The following KMT2D variants were observed in gnomAD, a reference collection of about 807,000 sequenced individuals.
KMT2D encodes the protein histone-lysine N-methyltransferase 2D.
Under a neutral mutation model 512.7 loss-of-function variants are expected in KMT2D, and 55 were observed. That is an observed-to-expected ratio of 0.11 (90% confidence interval 0.09 to 0.13). The LOEUF (loss-of-function observed/expected upper bound fraction) is 0.13. Among genes scored for constraint, KMT2D ranks in the 10% least tolerant of loss-of-function variants. The pLI, the probability that KMT2D is intolerant of heterozygous loss-of-function variation, is 1.00. For synonymous variants in KMT2D, 2,995 were observed against 2,904.0 expected (o/e 1.03, Z -1.01); for missense variants, 6,061 against 7,127.9 (o/e 0.85, Z 5.39).
rs1469413011 is a variant in KMT2D, at chr12:49,041,624, G to A, written c.6234+31C>T. 2.5e-6 allele frequency: 4 copies of A among 1,613,398 alleles called. No homozygotes were observed. The highest frequency in any genetic ancestry group is 3.4e-6 in the Non-Finnish European group (4 of 1,179,594). The stretch of plus-strand genomic sequence containing the variant: ...CCTCAAGAGAGGCCACCCACTAGAG[G>A]ACTGCTACACCCCAGCCCAGCCCCA... On this transcript the variant is annotated intron_variant, in intron 31 of 54. Transcript: ENST00000301067. The surrounding 1 kb of genome is among the most constrained non-coding windows in gnomAD (Gnocchi z 5.4).
At position 49,041,474 on chromosome 12, in the gene KMT2D, C is replaced by T. The variant is rs2120547529; in HGVS notation, c.6296G>A (p.Arg2099Gln). The change falls in exon 32 of 55, where the codon CGA becomes CAA. Residue 2099 changes from arginine to glutamine, a missense_variant. Coordinates refer to ENST00000301067, the MANE Select transcript of KMT2D (RefSeq NM_003482.4). This position sits in a 1 kb window ranked among gnomAD's most constrained non-coding sequence, Gnocchi z 5.4. ...KVGDIARKTD[R>Q]PALHLRIPPQ... ...GGGAATGCGGAGATGTAGGGCCGGT[C>T]GGTCAGTCTTACGGGCTATGTCGCC... 3.1e-6 allele frequency: 5 copies of T among 1,613,440 alleles called. No homozygotes were observed. Among genetic ancestry groups the T allele is most frequent in the Non-Finnish European group, 3.4e-6 (4 of 1,179,546 alleles).
At position 49,050,465 on chromosome 12, in the gene KMT2D, C is replaced by T. The variant is rs1025261494; in HGVS notation, c.3123G>A (p.Gln1041=). The change falls in exon 12 of 55, where the codon CAG becomes CAA. Residue 1041 remains glutamine, a synonymous_variant. Coordinates refer to ENST00000301067, the MANE Select transcript of KMT2D (RefSeq NM_003482.4). The part of the protein sequence containing the change: ...SLVPQNSPPS[Q]CSPPALPLSV... ...ACAGTGGTAGGGCAGGAGGAGAGCA[C>T]TGGGAAGGAGGGGAGTTTTGGGGAA... 2 of 1,613,816 alleles carry T rather than the reference C, an allele frequency of 1.2e-6. No homozygotes were observed. Among genetic ancestry groups the T allele is most frequent in the Non-Finnish European group, 1.7e-6 (2 of 1,179,816 alleles).
At position 49,019,211 on chromosome 12, in the gene KMT2D, AAC is replaced by A. The variant is rs925404239; in HGVS notation, c.*2567_*2568del. ...CAACCTTGCTGTACAGGATACACAC[AAC>A]ACAAAATAAAGTCTTCACGGGATTC... On this transcript the variant is annotated 3_prime_UTR_variant, in exon 55 of 55. Coordinates refer to ENST00000301067, the MANE Select transcript of KMT2D (RefSeq NM_003482.4). The A allele has an allele frequency of 6.0e-6, 6 of 1,005,860 alleles. No homozygotes were observed. The African/African-American group carries it at 8.4e-5, about 14-fold the overall frequency. The allele number at this position is 1,005,860 out of a possible 1,614,324, so 62.3% of individuals were successfully genotyped here.
chr12:49,022,930 C>T lies in KMT2D; in HGVS notation c.16053-55G>A, dbSNP rs1233156602. The T allele has an allele frequency of 6.7e-7, 1 of 1,481,800 alleles. No homozygotes were observed. Among genetic ancestry groups the T allele is most frequent in the East Asian group, 2.4e-5 (1 of 41,628 alleles). 91.8% of individuals were successfully genotyped at this position (1,481,800 alleles called of 1,614,324 possible). A position where few individuals can be genotyped will look rare whatever the true frequency, so the allele number is the denominator to read the frequency against. Reference sequence around the variant, plus strand: ...AGCTCTCCCTCAGACCAAGTACATACCACCCACCTCCTCTGCCACCTCCTG... The same window carrying T: ...AGCTCTCCCTCAGACCAAGTACATATCACCCACCTCCTCTGCCACCTCCTG... On this transcript the variant is annotated intron_variant, in intron 51 of 54. Coordinates refer to ENST00000301067, the MANE Select transcript of KMT2D (RefSeq NM_003482.4). This position sits in a 1 kb window ranked among gnomAD's most constrained non-coding sequence, Gnocchi z 8.6.
rs2120587306 is a variant in KMT2D, at chr12:49,044,761, T to C, written c.4946A>G (p.Glu1649Gly). 6.2e-7 allele frequency: 1 copy of C among 1,613,748 alleles called. No individual in the cohort carries two copies. The highest frequency in any genetic ancestry group is 1.3e-5 in the African/African-American group (1 of 75,020). ...DKKDGDLDTD[E>G]LLKGEGGVEH... Reference sequence around the variant, plus strand: ...AAGCTAACCTTCACCCTTGAGCAGCTCATCGGTGTCCAGGTCCCCATCCTT... The same window carrying C: ...AAGCTAACCTTCACCCTTGAGCAGCCCATCGGTGTCCAGGTCCCCATCCTT... Residue 1649 changes from glutamate (E) to glycine (G), a missense_variant, in exon 20 of 55, where the codon GAG (glutamate) becomes GGG (glycine). Glu to Gly is a moderately conservative substitution (Grantham distance 98). Around this residue, in one of 16 missense-constraint regions of KMT2D, gnomAD observed 640 missense variants for 814.3 expected, o/e 0.79. Transcript: ENST00000301067. The surrounding 1 kb of genome is among the most constrained non-coding windows in gnomAD (Gnocchi z 6.4).
chr12:49,031,895 C>A lies in KMT2D; in HGVS notation c.12810G>T (p.Gln4270His). 2.0e-6 allele frequency: 3 copies of A among 1,534,046 alleles called. No individual in the cohort carries two copies. The highest frequency in any genetic ancestry group is 2.6e-6 in the Non-Finnish European group (3 of 1,142,216). ...QPQLGGFPGP[Q>H]TGPLQELGAG... is the part of the protein sequence containing the mutation. The stretch of plus-strand genomic sequence containing the variant: ...CCCCTAGCTCCTGGAGGGGGCCTGT[C>A]TGTGGTCCAGGGAAGCCCCCAAGTT... The change falls in exon 40 of 55, where the codon CAG (glutamine) becomes CAT (histidine). Residue 4270 changes from glutamine (Q) to histidine (H), a missense_variant. Around this residue, in one of 16 missense-constraint regions of KMT2D, gnomAD observed 1,600 missense variants for 1,754.9 expected, o/e 0.91. Coordinates refer to ENST00000301067, the MANE Select transcript of KMT2D (RefSeq NM_003482.4).
rs1937979615 is a variant in KMT2D at position 49,051,274 on chromosome 12, T to A, written c.2409A>T (p.Glu803Asp). Residue 803 changes from glutamate to aspartate, a missense_variant, in exon 11 of 55, where the codon GAA (glutamate) becomes GAT (aspartate). Glu to Asp is a conservative substitution (Grantham distance 45). This residue lies in a region of KMT2D where 848 missense variants were observed against 838.5 expected (regional missense o/e 1.01). Coordinates refer to ENST00000301067, the MANE Select transcript of KMT2D (RefSeq NM_003482.4). ...CCTCAGTCTGGGGGGACAGGTGCAA[T>A]TCCTCAGGCTGAGGGGACAGATGTG... The part of the protein sequence containing the change: ...EGPHLSPQPE[E>D]LHLSPQTEEP... 1 of 1,394,412 alleles carries A rather than the reference T, an allele frequency of 7.2e-7. No homozygotes were observed. The highest frequency in any genetic ancestry group is 9.5e-7 in the Non-Finnish European group (1 of 1,055,602). 86.4% of individuals were successfully genotyped at this position (1,394,412 alleles called of 1,614,324 possible).
chr12:49,057,813 AGT>A (rs1176767790), intron 1 of KMT2D, among the ~76,000 whole-genome samples: 1 of 152,230 alleles, frequency 6.6e-6, no homozygotes, highest in Non-Finnish European at 1.5e-5. Flanking sequence ...AAACTGGGGT[AGT>A]GTCTCACCAG....
Position 49,042,823 on chromosome 12 carries a change from G to A in KMT2D, c.5700C>T (p.Gly1900=). The change falls in exon 27 of 55, where the codon GGC becomes GGT. Residue 1900 remains glycine (G), a synonymous_variant. Transcript: ENST00000301067. This position sits in a 1 kb window ranked among gnomAD's most constrained non-coding sequence, Gnocchi z 4.4. ...DLQQLFKDVL[G]SEREQHLGCG... is the part of the protein sequence containing the mutation. The stretch of plus-strand genomic sequence containing the variant: ...AACCCAGATGCTGTTCTCGTTCAGA[G>A]CCCAGAACATCCTTGAAGAGCTGCT... 2 of 1,613,952 alleles carry A rather than the reference G, an allele frequency of 1.2e-6. No individual in the cohort carries two copies. The highest frequency in any genetic ancestry group is 1.7e-6 in the Non-Finnish European group (2 of 1,179,842).
In KMT2D at chr12:49,054,919, C is replaced by T; in HGVS notation, c.157G>A (p.Glu53Lys). 1 of 1,614,002 alleles carries T rather than the reference C, an allele frequency of 6.2e-7. No homozygotes were observed. Among genetic ancestry groups the T allele is most frequent in the Non-Finnish European group, 8.5e-7 (1 of 1,179,878 alleles). Residue 53 changes from glutamate to lysine, a missense_variant, in exon 3 of 55, where the codon GAG becomes AAG. Around this residue, in one of 16 missense-constraint regions of KMT2D, gnomAD observed 144 missense variants for 165.7 expected, o/e 0.87. Coordinates refer to ENST00000301067, the MANE Select transcript of KMT2D (RefSeq NM_003482.4). The surrounding 1 kb of genome is among the most constrained non-coding windows in gnomAD (Gnocchi z 6.4). ...VLSSGSPRLQ[E>K]TPQDCSGGPV... ...AGCTACCTGCAGTCCTGAGGAGTCTCCTGAAGCCTGGGACTCCCAGAACTA... is the reference window on the plus strand; with the variant it reads ...AGCTACCTGCAGTCCTGAGGAGTCTTCTGAAGCCTGGGACTCCCAGAACTA...
rs531869149 is a variant in KMT2D, at chr12:49,052,338, G to A, written c.1345C>T (p.Leu449=). ...PLLPPPEESP[L]SPPPEESPTS... The stretch of plus-strand genomic sequence containing the variant: ...GGTGATTCCTCAGGTGGTGGGGACA[G>A]GGGTGACTCCTCAGGTGGGGGCAGC... Residue 449 remains leucine, a synonymous_variant, in exon 11 of 55, where the codon CTG becomes TTG. Transcript: ENST00000301067. The A allele has an allele frequency of 6.4e-7, 1 of 1,563,428 alleles. No individual in the cohort carries two copies. Among genetic ancestry groups the A allele is most frequent in the Admixed American group, 1.8e-5 (1 of 56,118 alleles).
Position 49,030,888 on chromosome 12 carries a change from G to A in KMT2D, c.13671+5C>T, listed in dbSNP as rs2120410398. ...GACCAGGGGGACTGTCTCCTGGGGG[G>A]TCACCTGTTTCAGCTGTTTCAGCAA... On this transcript the variant is annotated splice_donor_5th_base_variant and intron_variant, in intron 41 of 54. Coordinates refer to ENST00000301067, the MANE Select transcript of KMT2D (RefSeq NM_003482.4). 2 of 1,613,758 alleles carry A rather than the reference G, an allele frequency of 1.2e-6. No individual in the cohort carries two copies. Among genetic ancestry groups the A allele is most frequent in the East Asian group, 2.2e-5 (1 of 44,878 alleles).
In KMT2D at chr12:49,050,645, G is replaced by A. The variant is rs1459978154; in HGVS notation, c.2943C>T (p.Pro981=). The A allele has an allele frequency of 3.7e-6, 6 of 1,613,496 alleles. No homozygotes were observed. Among genetic ancestry groups the A allele is most frequent in the Non-Finnish European group, 5.1e-6 (6 of 1,179,676 alleles). ...SPLAAPILET[P]ISPPPEANCT... ...AGTTAGCTTCTGGTGGAGGGCTGAT[G>A]GGTGTCTCCAGGATGGGGGCAGCCA... is the stretch of plus-strand genomic sequence containing the variant. The change falls in exon 12 of 55, where the codon CCC becomes CCT. Residue 981 remains proline, a synonymous_variant. Transcript: ENST00000301067.
In KMT2D at chr12:49,050,138, G is replaced by A. The variant is rs1399332920; in HGVS notation, c.3450C>T (p.Gly1150=). ...TPGSLASELK[G]SPVLLDPEEL... is the part of the protein sequence containing the mutation. ...CCTCGGGGTCCAGGAGCACAGGGGA[G>A]CCTTTAAGTTCACTAGCCAAACTGC... Residue 1150 remains glycine, a synonymous_variant, in exon 12 of 55, where the codon GGC becomes GGT. Coordinates refer to ENST00000301067, the MANE Select transcript of KMT2D (RefSeq NM_003482.4). 6.2e-7 allele frequency: 1 copy of A among 1,613,382 alleles called. No homozygotes were observed. The highest frequency in any genetic ancestry group is 1.3e-5 in the African/African-American group (1 of 74,902).
rs1220063278 is a variant in KMT2D, at chr12:49,038,832, C to T, written c.8524G>A (p.Gly2842Arg). The T allele has an allele frequency of 6.4e-7, 1 of 1,558,810 alleles. No individual in the cohort carries two copies. Among genetic ancestry groups the T allele is most frequent in the Non-Finnish European group, 8.7e-7 (1 of 1,151,086 alleles). The change falls in exon 35 of 55, where the codon GGA (glycine) becomes AGA (arginine). Residue 2842 changes from glycine to arginine, a missense_variant. Gly to Arg is a moderately radical substitution (Grantham distance 125). This residue lies in a region of KMT2D where 527 missense variants were observed against 578.9 expected (regional missense o/e 0.91). Coordinates refer to ENST00000301067, the MANE Select transcript of KMT2D (RefSeq NM_003482.4). The surrounding 1 kb of genome is among the most constrained non-coding windows in gnomAD (Gnocchi z 5.7). ...AMSARFPSTP[G>R]PELGRQALGS... Reference sequence around the variant, plus strand: ...AGGGCTTGGCGGCCAAGTTCAGGTCCAGGAGTTGATGGAAAGCGAGCTGAC... The same window carrying T: ...AGGGCTTGGCGGCCAAGTTCAGGTCTAGGAGTTGATGGAAAGCGAGCTGAC...
At position 49,038,179 on chromosome 12, in the gene KMT2D, A is replaced by G. The variant is rs2120491461; in HGVS notation, c.9177T>C (p.Thr3059=). 1.2e-6 allele frequency: 2 copies of G among 1,613,866 alleles called. No individual in the cohort carries two copies. The highest frequency in any genetic ancestry group is 1.7e-6 in the Non-Finnish European group (2 of 1,179,894). Residue 3059 remains threonine, a synonymous_variant, in exon 35 of 55, where the codon ACT becomes ACC. Transcript: ENST00000301067. The surrounding 1 kb of genome is among the most constrained non-coding windows in gnomAD (Gnocchi z 5.7). The part of the protein sequence containing the change: ...LLAYTDPELD[T]GDKKDIFNEH... ...CATTGAAGATATCCTTCTTGTCCCC[A>G]GTGTCCAGCTCAGGATCAGTATATG...
rs1436813824 is a variant in KMT2D at position 49,044,854 on chromosome 12, A to G, written c.4853T>C (p.Leu1618Pro). ...CAATCCTGCCTCGCCTGGGAGGCCA[A>G]GCCGTCCTCGCCGTTGGCGCCGCTT... is the stretch of plus-strand genomic sequence containing the variant. ...LHKRRQRRGRLGLPGEAGLEG... is the reference protein window; with the variant it reads ...LHKRRQRRGRPGLPGEAGLEG... Residue 1618 changes from leucine to proline, a missense_variant, in exon 20 of 55, where the codon CTT (leucine) becomes CCT (proline). By Grantham distance (98) the Leu-to-Pro change is moderately conservative. Around this residue, in one of 16 missense-constraint regions of KMT2D, gnomAD observed 640 missense variants for 814.3 expected, o/e 0.79. Transcript: ENST00000301067. This position sits in a 1 kb window ranked among gnomAD's most constrained non-coding sequence, Gnocchi z 6.4. 2 of 1,614,066 alleles carry G rather than the reference A, an allele frequency of 1.2e-6. No individual in the cohort carries two copies. Among genetic ancestry groups the G allele is most frequent in the Non-Finnish European group, 1.7e-6 (2 of 1,179,898 alleles).
At position 49,024,761 on chromosome 12, in the gene KMT2D, A is replaced by G. The variant is rs1942491757; in HGVS notation, c.15921+49T>C. On this transcript the variant is annotated intron_variant, in intron 50 of 54. Coordinates refer to ENST00000301067, the MANE Select transcript of KMT2D (RefSeq NM_003482.4). This position sits in a 1 kb window ranked among gnomAD's most constrained non-coding sequence, Gnocchi z 4.5. ...GCCTGAGTTTTTTTGGGGTTAGGCC[A>G]AAGTTCTCAGTGCCCGCCAAGCCCC... is the stretch of plus-strand genomic sequence containing the variant. 5.6e-6 allele frequency: 9 copies of G among 1,608,918 alleles called. No individual in the cohort carries two copies. Among genetic ancestry groups the G allele is most frequent in the Non-Finnish European group, 7.7e-6 (9 of 1,176,062 alleles).
Position 49,021,769 on chromosome 12 carries a change from C to T in KMT2D, c.*11G>A, listed in dbSNP as rs776070317. 2 of 1,609,350 alleles carry T rather than the reference C, an allele frequency of 1.2e-6. No individual in the cohort carries two copies. Among genetic ancestry groups the T allele is most frequent in the East Asian group, 2.2e-5 (1 of 44,876 alleles). On this transcript the variant is annotated 3_prime_UTR_variant, in exon 55 of 55. Coordinates refer to ENST00000301067, the MANE Select transcript of KMT2D (RefSeq NM_003482.4). Reference sequence around the variant, plus strand: ...TAGGGGGACTCCCCTGCCTGGTAGCCTCAAAGCTTCTTAGTTCATCCATTT... The same window carrying T: ...TAGGGGGACTCCCCTGCCTGGTAGCTTCAAAGCTTCTTAGTTCATCCATTT...
Sources: allele counts gnomAD v4.1 joint callset (sites outside exome capture counted in the v4.1 genomes callset), GRCh38; gene constraint gnomAD v4.1.1; regional missense constraint gnomAD v4.1.1; non-coding constraint Gnocchi (gnomAD v3.1); transcripts MANE v1.5; gene names NCBI Gene and HGNC (gene_info 2026-07-23, HGNC 2026-07-21).